The following RAB1B variants were observed in gnomAD, a reference collection of about 807,000 sequenced individuals.
The protein encoded by RAB1B is ras-related protein Rab-1B.
Under a neutral mutation model 24.8 loss-of-function variants are expected in RAB1B, and 10 were observed. The observed-to-expected ratio is 0.40, with a 90% CI of 0.25 to 0.68. The LOEUF (loss-of-function observed/expected upper bound fraction) is 0.68, where lower values mean the gene tolerates loss of function less well. Ranked by LOEUF, RAB1B falls within the 30% of genes least tolerant of loss-of-function variation. The pLI is 0.37. For synonymous variants in RAB1B, 99 were observed against 111.7 expected (o/e 0.89, Z 0.72); for missense variants, 154 against 271.2 (o/e 0.57, Z 3.04).
At chr11:66,272,041 G>A (rs1857068600) in intron 2 of RAB1B, 116 bp from the exon 3 acceptor site, 1 of 978,106 alleles carries the variant, frequency 1.0e-6, no homozygotes, top group Non-Finnish European at 1.7e-6. Context: ...GCTGAGTGCT[G>A]GGAATTGGGG....
chr11:66,273,444 T>C (rs546582658), intron 4 of RAB1B, among the ~76,000 whole-genome samples: 1 of 152,210 alleles, frequency 6.6e-6, no homozygotes, highest in Admixed American at 6.5e-5. Context: ...ACTGCTCTCT[T>C]CTCTCTCCTT....
At position 66,276,382 on chromosome 11, in the gene RAB1B, C is replaced by T. The variant is rs540942081; in HGVS notation, c.*144C>T. 9.8e-5 allele frequency: 76 copies of T among 779,472 alleles called. No homozygotes were observed. In the Middle Eastern group the frequency reaches 1.4e-3, roughly 15 times the overall value. The allele number at this position is 779,472 out of a possible 1,614,324, so 48.3% of individuals were successfully genotyped here. A position where few individuals can be genotyped will look rare whatever the true frequency, so the allele number is the denominator to read the frequency against. On this transcript the variant is annotated 3_prime_UTR_variant, in exon 6 of 6. Transcript: ENST00000311481. ...CCTGGGCTCCCCATCTCCTTCTGGC[C>T]CATCTGCCTGCTGCCCTGAGCCCCG... is the stretch of plus-strand genomic sequence containing the variant.
chr11:66,272,180 C>T lies in RAB1B; in HGVS notation c.111C>T (p.Tyr37=), dbSNP rs1288009751. 3 of 1,613,370 alleles carry T rather than the reference C, an allele frequency of 1.9e-6. No homozygotes were observed. Among genetic ancestry groups the T allele is most frequent in the African/African-American group, 2.7e-5 (2 of 75,030 alleles). The change falls in exon 3 of 6, where the codon TAC becomes TAT. Residue 37 remains tyrosine (Y), a synonymous_variant. Transcript: ENST00000311481. ...RFADDTYTES[Y]ISTIGVDFKI... ...AGGATGACACGTACACAGAGAGCTA[C>T]ATCAGCACCATCGGGGTGGACTTCA...
chr11:66,272,799 G>A (rs1857082789), intron 4 of RAB1B, among the ~76,000 whole-genome samples: 1 of 152,114 alleles, frequency 6.6e-6, no homozygotes, highest in South Asian at 2.1e-4. Context: ...CAGGCGGTTG[G>A]CTGCTATGCT....
At chr11:66,269,898 A>T (rs1415642546) in intron 1 of RAB1B, 1 of 151,718 alleles carries the variant, frequency 6.6e-6, no homozygotes, top group African/African-American at 2.4e-5. Context: ...ATTTTGAGAC[A>T]GGGTCTCTCT....
At chr11:66,275,414 C>T (rs915359510) in intron 4 of RAB1B, among the ~76,000 whole-genome samples, 10 of 152,212 alleles carry the variant, frequency 6.6e-5, no homozygotes, top group Non-Finnish European at 1.3e-4. Context: ...TTTCAGGCCA[C>T]GGTGGGAACT....
intron 1 of RAB1B, 129 bp downstream of exon 1, chr11:66,268,822 A>ACACCCC: frequency 4.8e-6 from 3 of 620,766 alleles, no homozygotes; most frequent in Non-Finnish European, 6.6e-6. Context: ...TCTTCCGCTG[A>ACACCCC]CCCCCCCCCA....
At chr11:66,268,788 G>A (rs2134856278) in intron 1 of RAB1B, 95 bp downstream of exon 1, 2 of 1,265,968 alleles carry the variant, frequency 1.6e-6, no homozygotes, top group Non-Finnish European at 2.1e-6. Flanking sequence ...TCAGGACTGT[G>A]CGGCGCCCCC....
chr11:66,268,830 C>CCCCG, intron 1 of RAB1B, 137 bp downstream of exon 1: 1 of 945,408 alleles, frequency 1.1e-6, no homozygotes, highest in Non-Finnish European at 1.4e-6. Context: ...TGACCCCCCC[C>CCCCG]CACATCCGGG....
intron 4 of RAB1B, among the ~76,000 whole-genome samples, chr11:66,273,365 C>T (rs1857091532): frequency 6.6e-6 from 1 of 152,226 alleles, no homozygotes; most frequent in African/African-American, 2.4e-5. Context: ...GACAAGTTAC[C>T]AGGGCCCACC....
Position 66,272,388 on chromosome 11 carries a change from G to A in RAB1B, c.207G>A (p.Arg69=), listed in dbSNP as rs1199867275. The stretch of plus-strand genomic sequence containing the variant: ...AGTGGGACACAGCGGGCCAGGAACG[G>A]TTCCGGACCATCACTTCCAGCTACT... The part of the protein sequence containing the change: ...LQIWDTAGQE[R]FRTITSSYYR... The change falls in exon 4 of 6, where the codon CGG becomes CGA. Residue 69 remains arginine, a synonymous_variant. Coordinates refer to ENST00000311481, the MANE Select transcript of RAB1B (RefSeq NM_030981.3). The A allele has an allele frequency of 3.1e-6, 5 of 1,610,416 alleles. No individual in the cohort carries two copies. Among genetic ancestry groups the A allele is most frequent in the African/African-American group, 1.3e-5 (1 of 74,820 alleles).
chr11:66,271,319 C>G (rs147915662), intron 1 of RAB1B: 2,476 of 155,422 alleles, frequency 0.016, 38 homozygotes, highest in Non-Finnish European at 0.024. Flanking sequence ...GAAACCCTGT[C>G]TCTACTAAAA....
At chr11:66,271,944 C>A in intron 2 of RAB1B, 75 bp downstream of exon 2, 2 of 1,250,402 alleles carry the variant, frequency 1.6e-6, no homozygotes, top group Non-Finnish European at 2.4e-6. Context: ...CAACACAGAG[C>A]ACAGTAGTTG....
intron 4 of RAB1B, among the ~76,000 whole-genome samples, chr11:66,274,584 G>A (rs1857111622): frequency 6.6e-6 from 1 of 152,134 alleles, no homozygotes; most frequent in South Asian, 2.1e-4. Context: ...TCTGCCTCCT[G>A]TCAGGACTAG....
chr11:66,268,829 C>CCA, intron 1 of RAB1B, 136 bp downstream of exon 1: 1 of 947,414 alleles, frequency 1.1e-6, no homozygotes, highest in South Asian at 2.8e-5. Flanking sequence ...CTGACCCCCC[C>CCA]CCACATCCGG....
At chr11:66,271,938 A>G in intron 2 of RAB1B, 69 bp downstream of exon 2, 1 of 1,284,256 alleles carries the variant, frequency 7.8e-7, no homozygotes, top group Non-Finnish European at 1.1e-6. Flanking sequence ...AAGGGACAAC[A>G]CAGAGCACAG....
chr11:66,268,814 T>G (rs1856989869), intron 1 of RAB1B, 121 bp downstream of exon 1: 13 of 870,474 alleles, frequency 1.5e-5, no homozygotes, highest in Admixed American at 5.7e-5. Context: ...CGGGTCCCTC[T>G]TCCGCTGACC....
chr11:66,273,360 G>T (rs920154729), intron 4 of RAB1B, among the ~76,000 whole-genome samples: 3 of 152,188 alleles, frequency 2.0e-5, no homozygotes, highest in South Asian at 4.1e-4. Flanking sequence ...ACCCAGACAA[G>T]TTACCAGGGC....
At position 66,277,442 on chromosome 11, in the gene RAB1B, A is replaced by AT. The variant is rs1387644993; in HGVS notation, c.*1206dup. ...GGAAAGATGGAAAAGGACAAAAAAA[A>AT]TTAATAAATTTCCATTGGCCCTCGG... On this transcript the variant is annotated 3_prime_UTR_variant, in exon 6 of 6. Coordinates refer to ENST00000311481, the MANE Select transcript of RAB1B (RefSeq NM_030981.3). The AT allele has an allele frequency of 2.6e-5, 4 of 152,356 alleles. No individual in the cohort carries two copies. The highest frequency in any genetic ancestry group is 7.2e-5 in the African/African-American group (3 of 41,472). 9.4% of individuals were successfully genotyped at this position (152,356 alleles called of 1,614,324 possible). A position where few individuals can be genotyped will look rare whatever the true frequency, so the allele number is the denominator to read the frequency against.
Sources: allele counts gnomAD v4.1 joint callset (sites outside exome capture counted in the v4.1 genomes callset), GRCh38; gene constraint gnomAD v4.1.1; transcripts MANE v1.5; gene names NCBI Gene and HGNC (gene_info 2026-07-23, HGNC 2026-07-21).